The following SSBP3 variants were observed in gnomAD, a reference collection of about 807,000 sequenced individuals.
SSBP3 encodes single-stranded DNA-binding protein 3.
A neutral mutation model predicts 69.6 loss-of-function variants in SSBP3; 5 were observed. That is an observed-to-expected ratio of 0.07 (90% confidence interval 0.04 to 0.15). SSBP3 has a LOEUF of 0.15. Ranked by LOEUF, SSBP3 falls within the 10% of genes least tolerant of loss-of-function variation. The probability of loss-of-function intolerance (pLI) is 1.00; values close to 1 mark genes in which losing one functional copy is unlikely to be tolerated. For synonymous variants in SSBP3, 196 were observed against 193.4 expected, an observed-to-expected ratio of 1.01 and a Z score of -0.11; for missense variants, 312 against 534.0, an observed-to-expected ratio of 0.58 and a Z score of 4.10.
At chr1:54,407,749 A>ATT (rs532968816), upstream of SSBP3, among the ~76,000 whole-genome samples, 5,874 of 97,304 alleles carry the variant, frequency 0.06, 451 homozygotes, top group East Asian at 0.12. Context: ...GCCTAGGTTG[A>ATT]TTTTTTTTTT....
intron 4 of SSBP3, among the ~76,000 whole-genome samples, chr1:54,326,828 C>G (rs1048286536): frequency 3.2e-4 from 48 of 152,266 alleles, no homozygotes; most frequent in African/African-American, 1.1e-3. Flanking sequence ...TGAAAATACA[C>G]AAGGATTAGC....
At chr1:54,353,150 G>A (rs1337138405) in intron 4 of SSBP3, among the ~76,000 whole-genome samples, 1 of 152,198 alleles carries the variant, frequency 6.6e-6, no homozygotes, top group Non-Finnish European at 1.5e-5. Flanking sequence ...CCACAGGGAG[G>A]ACAACTCTCA....
intron 4 of SSBP3, among the ~76,000 whole-genome samples, chr1:54,389,135 G>T (rs774757356): frequency 6.6e-6 from 1 of 152,138 alleles, no homozygotes; most frequent in African/African-American, 2.4e-5. Flanking sequence ...GTGTGCTCAC[G>T]TTGGTTCCCC....
At chr1:54,356,180 C>T (rs1387044913) in intron 4 of SSBP3, among the ~76,000 whole-genome samples, 2 of 152,130 alleles carry the variant, frequency 1.3e-5, no homozygotes, top group African/African-American at 2.4e-5. Context: ...TTAACTAGCT[C>T]GGAGAGGGTA....
chr1:54,245,794 T>A (rs923360731), intron 9 of SSBP3, among the ~76,000 whole-genome samples: 3 of 152,168 alleles, frequency 2.0e-5, no homozygotes, highest in African/African-American at 7.2e-5. Context: ...AGACCTGAGG[T>A]CAGAACACAG....
At chr1:54,233,537 G>A (rs553584998) in intron 14 of SSBP3, among the ~76,000 whole-genome samples, 5 of 140,488 alleles carry the variant, frequency 3.6e-5, no homozygotes, top group Non-Finnish European at 6.2e-5. Context: ...GGAGGGAGGT[G>A]GGGGGGGTAA....
At chr1:54,411,025 C>T (rs72665969), upstream of SSBP3, among the ~76,000 whole-genome samples, 48 of 152,362 alleles carry the variant, frequency 3.2e-4, 1 homozygote, top group South Asian at 6.2e-4. Flanking sequence ...TTTGAAATGT[C>T]TTCCAACGGA....
At chr1:54,340,069 C>T (rs1646579501) in intron 4 of SSBP3, among the ~76,000 whole-genome samples, 1 of 152,102 alleles carries the variant, frequency 6.6e-6, no homozygotes, top group Non-Finnish European at 1.5e-5. Flanking sequence ...TCTTCCCCCA[C>T]CTAGAGGATA....
At chr1:54,263,334 G>C (rs576029345) in intron 5 of SSBP3, among the ~76,000 whole-genome samples, 1 of 152,162 alleles carries the variant, frequency 6.6e-6, no homozygotes, top group African/African-American at 2.4e-5. Flanking sequence ...CTGGAGAGGC[G>C]GGTTGTGGTG....
At chr1:54,302,656 A>C (rs1480695316) in intron 4 of SSBP3, among the ~76,000 whole-genome samples, 1 of 152,206 alleles carries the variant, frequency 6.6e-6, no homozygotes, top group East Asian at 1.9e-4. Context: ...ACTGACACTT[A>C]GTGGGCGCTC....
chr1:54,310,326 G>C lies in SSBP3; in HGVS notation c.277-28799C>G, dbSNP rs1292924970. Among the ~76,000 whole-genome samples, 5 of 152,106 alleles carry C rather than the reference G, an allele frequency of 3.3e-5. 1 individual carries two copies. The highest frequency in any genetic ancestry group is 2.6e-4 in the Admixed American group (4 of 15,270). Reference sequence around the variant, plus strand: ...CTACCTAGCATTTTTCACAGGAGGAGAGCTCTTTTAAAAAACACCTGGTCA... The same window carrying C: ...CTACCTAGCATTTTTCACAGGAGGACAGCTCTTTTAAAAAACACCTGGTCA... On this transcript the variant is annotated intron_variant, in intron 4 of 17. Coordinates refer to ENST00000610401, the Ensembl canonical transcript of SSBP3.
chr1:54,309,905 T>A (rs1206344654), intron 4 of SSBP3, among the ~76,000 whole-genome samples: 1 of 152,182 alleles, frequency 6.6e-6, no homozygotes, highest in Admixed American at 6.5e-5. Flanking sequence ...CTGTCCTCTA[T>A]TAAAATGCTC....
At chr1:54,293,893 C>A (rs535750084) in intron 4 of SSBP3, among the ~76,000 whole-genome samples, 135 of 152,152 alleles carry the variant, frequency 8.9e-4, no homozygotes, top group Non-Finnish European at 1.4e-3. Flanking sequence ...TCCCAGCACT[C>A]TGGGAGGCTG....
chr1:54,267,851 C>T (rs1023113610), intron 5 of SSBP3, among the ~76,000 whole-genome samples: 1 of 152,198 alleles, frequency 6.6e-6, no homozygotes, highest in South Asian at 2.1e-4. Flanking sequence ...TTCCATCCTA[C>T]CTGCTGCCCC....
chr1:54,385,240 C>G (rs989431898), intron 4 of SSBP3, among the ~76,000 whole-genome samples: 5 of 152,142 alleles, frequency 3.3e-5, no homozygotes, highest in Non-Finnish European at 5.9e-5. Flanking sequence ...ATCCCTGGCC[C>G]TTCTCAAGGA....
intron 4 of SSBP3, among the ~76,000 whole-genome samples, chr1:54,392,679 T>C (rs982347318): frequency 3.9e-5 from 6 of 152,204 alleles, no homozygotes; most frequent in African/African-American, 1.4e-4. Context: ...AGGAATCAAA[T>C]CCTTCTCACT....
chr1:54,332,815 C>T (rs540480181), intron 4 of SSBP3, among the ~76,000 whole-genome samples: 4 of 152,320 alleles, frequency 2.6e-5, no homozygotes, highest in East Asian at 1.9e-4. Flanking sequence ...GGGCGTCAAG[C>T]GCATCAGAGA....
intron 4 of SSBP3, among the ~76,000 whole-genome samples, chr1:54,374,365 C>T (rs1418378788): frequency 6.6e-6 from 1 of 152,216 alleles, no homozygotes; most frequent in Non-Finnish European, 1.5e-5. Flanking sequence ...CATCCCAGGT[C>T]ATCCCACACC....
intron 4 of SSBP3, among the ~76,000 whole-genome samples, chr1:54,307,734 A>AC: frequency 6.6e-6 from 1 of 152,178 alleles, no homozygotes; most frequent in Admixed American, 6.5e-5. Context: ...GACAAGAGTG[A>AC]CCTCTGGTCG....
Sources: allele counts gnomAD v4.1 joint callset (sites outside exome capture counted in the v4.1 genomes callset), GRCh38; gene constraint gnomAD v4.1.1; transcripts MANE v1.5; gene names NCBI Gene and HGNC (gene_info 2026-07-23, HGNC 2026-07-21).